ADGRB3: variants seen among roughly 807,000 people sequenced by gnomAD.
ADGRB3 encodes the protein brain-specific angiogenesis inhibitor 3.
Under a neutral mutation model 193.4 loss-of-function variants are expected in ADGRB3, and 37 were observed. That is an observed-to-expected ratio of 0.19 (90% CI 0.15 to 0.25). The LOEUF (loss-of-function observed/expected upper bound fraction) is 0.25. ADGRB3 is among the 10% of genes least tolerant of loss of function. The pLI is 1.00. For synonymous variants in ADGRB3, 690 were observed against 644.2 expected (o/e 1.07, Z -1.08); for missense variants, 1,637 against 1,852.9 (o/e 0.88, Z 2.14).
chr6:68,858,986 C>A (rs1430913640), intron 3 of ADGRB3, among the ~76,000 whole-genome samples: 17 of 152,216 alleles, frequency 1.1e-4, no homozygotes, highest in Admixed American at 1.1e-3. Context: ...GCTTGAATTT[C>A]TCCCCAGAAA....
intron 17 of ADGRB3, among the ~76,000 whole-genome samples, chr6:69,190,270 C>T (rs943180050): frequency 3.3e-5 from 5 of 152,014 alleles, no homozygotes; most frequent in African/African-American, 1.2e-4. Context: ...CCTTAAAGAC[C>T]TTCTAGTGAG....
At chr6:68,665,767 A>C (rs1202373239) in intron 3 of ADGRB3, among the ~76,000 whole-genome samples, 1 of 151,832 alleles carries the variant, frequency 6.6e-6, no homozygotes, top group Non-Finnish European at 1.5e-5. Context: ...TAGGGAAATA[A>C]AATATTTCCA....
At chr6:69,186,134 T>A (rs763589014) in intron 17 of ADGRB3, among the ~76,000 whole-genome samples, 2 of 148,662 alleles carry the variant, frequency 1.3e-5, no homozygotes, top group Non-Finnish European at 3.0e-5. Flanking sequence ...TATTCTCCTT[T>A]GGGCATTCAA....
At chr6:69,106,179 AAAAAG>A (rs1554143752) in intron 17 of ADGRB3, among the ~76,000 whole-genome samples, 1 of 140,732 alleles carries the variant, frequency 7.1e-6, no homozygotes. Context: ...AAAAAAAAAA[AAAAAG>A]AAAAGAAAAG....
At chr6:68,949,730 A>G (rs957507686) in intron 6 of ADGRB3, among the ~76,000 whole-genome samples, 3 of 152,132 alleles carry the variant, frequency 2.0e-5, no homozygotes, top group Non-Finnish European at 4.4e-5. Flanking sequence ...AGCCTGTTGT[A>G]TGACAATTAT....
At chr6:69,262,834 AT>A (rs1170396437) in intron 20 of ADGRB3, among the ~76,000 whole-genome samples, 1 of 151,784 alleles carries the variant, frequency 6.6e-6, no homozygotes, top group Non-Finnish European at 1.5e-5. Flanking sequence ...TAAAAAAAAA[AT>A]ATTATAGATA....
At chr6:69,135,147 A>T (rs545469999) in intron 17 of ADGRB3, among the ~76,000 whole-genome samples, 59 of 152,192 alleles carry the variant, frequency 3.9e-4, no homozygotes, top group African/African-American at 1.4e-3. Flanking sequence ...TAATAAAAAG[A>T]AGCTTTTAAA....
At chr6:69,286,576 A>G (rs937075759) in intron 20 of ADGRB3, among the ~76,000 whole-genome samples, 3 of 152,230 alleles carry the variant, frequency 2.0e-5, no homozygotes, top group African/African-American at 7.2e-5. Flanking sequence ...GGTCCAGAGG[A>G]AGGCCTGCCA....
At chr6:69,272,540 G>A (rs1274910440) in intron 20 of ADGRB3, among the ~76,000 whole-genome samples, 2 of 152,174 alleles carry the variant, frequency 1.3e-5, no homozygotes, top group Non-Finnish European at 2.9e-5. Flanking sequence ...AACACAAAAT[G>A]TATAGGGAAA....
At chr6:69,240,570 A>T (rs1045622223) in intron 20 of ADGRB3, among the ~76,000 whole-genome samples, 1 of 152,014 alleles carries the variant, frequency 6.6e-6, no homozygotes, top group Admixed American at 6.6e-5. Context: ...GGTGAGAGGG[A>T]TGCCAATCAG....
At chr6:69,125,313 G>A (rs1448333348) in intron 17 of ADGRB3, among the ~76,000 whole-genome samples, 3 of 152,044 alleles carry the variant, frequency 2.0e-5, no homozygotes, top group Non-Finnish European at 4.4e-5. Flanking sequence ...GAGATTTCTC[G>A]GGCTTTAACT....
chr6:68,805,880 C>T (rs1332782077), intron 3 of ADGRB3, among the ~76,000 whole-genome samples: 2 of 151,852 alleles, frequency 1.3e-5, no homozygotes, highest in African/African-American at 4.9e-5. Context: ...TTTGATACAA[C>T]ACAATGTATT....
chr6:68,877,133 A>G (rs1765615824), intron 3 of ADGRB3, among the ~76,000 whole-genome samples: 2 of 151,996 alleles, frequency 1.3e-5, no homozygotes, highest in South Asian at 2.1e-4. Context: ...TAATTACTTA[A>G]TGGGTAGCCT....
intron 17 of ADGRB3, among the ~76,000 whole-genome samples, chr6:69,199,228 A>G (rs1460761337): frequency 6.6e-6 from 1 of 152,080 alleles, no homozygotes; most frequent in Admixed American, 6.6e-5. Context: ...ACTATTCTGG[A>G]GGAAAAGCTT....
intron 3 of ADGRB3, among the ~76,000 whole-genome samples, chr6:68,786,648 G>A (rs1766977754): frequency 6.6e-6 from 1 of 151,816 alleles, no homozygotes; most frequent in Non-Finnish European, 1.5e-5. Flanking sequence ...CTCTTTTTTG[G>A]TTCCATATGA....
At chr6:69,317,444 C>A (rs931007160) in intron 20 of ADGRB3, among the ~76,000 whole-genome samples, 3 of 151,380 alleles carry the variant, frequency 2.0e-5, no homozygotes, top group African/African-American at 7.3e-5. Context: ...AACTAATCTT[C>A]CCTGTGACAA....
At chr6:68,859,701 G>A (rs1376264528) in intron 3 of ADGRB3, among the ~76,000 whole-genome samples, 1 of 152,064 alleles carries the variant, frequency 6.6e-6, no homozygotes, top group Non-Finnish European at 1.5e-5. Flanking sequence ...CCCACCCCTA[G>A]GATTCAATTA....
chr6:69,094,822 A>G (rs996452621), intron 17 of ADGRB3, among the ~76,000 whole-genome samples: 2 of 152,202 alleles, frequency 1.3e-5, no homozygotes, highest in Admixed American at 6.5e-5. Flanking sequence ...CCAATGTAGT[A>G]TCTTTTGCAT....
intron 17 of ADGRB3, among the ~76,000 whole-genome samples, chr6:69,207,383 ATG>A (rs1410702694): frequency 2.0e-5 from 3 of 152,174 alleles, no homozygotes; most frequent in Non-Finnish European, 4.4e-5. Flanking sequence ...CAAATGAGGA[ATG>A]TGTTTCCTCC....
Sources: allele counts gnomAD v4.1 joint callset (sites outside exome capture counted in the v4.1 genomes callset), GRCh38; gene constraint gnomAD v4.1.1; transcripts MANE v1.5; gene names NCBI Gene and HGNC (gene_info 2026-07-23, HGNC 2026-07-21).